Variants in CEP126 observed in about 807,000 individuals in gnomAD.
CEP126 encodes the protein centrosomal protein 126.
CEP126 carries 74 observed loss-of-function variants against 107.8 expected under a neutral mutation model. That is an observed-to-expected ratio of 0.69 (90% CI 0.57 to 0.83). The LOEUF (loss-of-function observed/expected upper bound fraction) is 0.83, where lower values mean the gene tolerates loss of function less well. Among genes scored for constraint, CEP126 ranks in the 40% least tolerant of loss-of-function variants. The pLI is 0.00. For synonymous variants in CEP126, 449 were observed against 446.0 expected, an observed-to-expected ratio of 1.01 and a Z score of -0.08; for missense variants, 1,237 against 1,281.9, an observed-to-expected ratio of 0.96 and a Z score of 0.53.
chr11:101,963,606 T>G lies in CEP126; in HGVS notation c.2571T>G (p.Ser857Arg), dbSNP rs1057330982. Reference sequence around the variant, plus strand: ...GTTTGAATCAGTGGAATCAGGAAAGTAGTTCTCCACTCTCAAATGCTTGTT... The same window carrying G: ...GTTTGAATCAGTGGAATCAGGAAAGGAGTTCTCCACTCTCAAATGCTTGTT... The part of the protein sequence containing the change: ...EHSLNQWNQE[S>R]SSPLSNACSD... Residue 857 changes from serine to arginine, a missense_variant, in exon 6 of 11, where the codon AGT (serine) becomes AGG (arginine). Around this residue, in one of 3 missense-constraint regions of CEP126, gnomAD observed 1,134 missense variants for 1,150.5 expected, o/e 0.99. Transcript: ENST00000263468. 2 of 1,614,154 alleles carry G rather than the reference T, an allele frequency of 1.2e-6. No individual in the cohort carries two copies. Among genetic ancestry groups the G allele is most frequent in the South Asian group, 2.2e-5 (2 of 91,080 alleles).
chr11:101,931,517 T>C (rs1268479776), intron 2 of CEP126, among the ~76,000 whole-genome samples: 1 of 152,230 alleles, frequency 6.6e-6, no homozygotes, highest in African/African-American at 2.4e-5. Context: ...TATTATTTGT[T>C]AAAAATGGTA....
In CEP126 at chr11:101,931,318, G is replaced by A. The variant is rs114295676; in HGVS notation, c.248+8558G>A. On this transcript the variant is annotated intron_variant, in intron 2 of 10. Transcript: ENST00000263468. ...GGTAATTTTCAACATTTCATTTGTC[G>A]TCTTTTCCAGTCAAGTGAAAGACAA... is the stretch of plus-strand genomic sequence containing the variant. 9.4e-3 allele frequency among the ~76,000 whole-genome samples: 1,435 copies of A among 152,068 alleles called. 27 individuals carry two copies. The highest frequency in any genetic ancestry group is 0.033 in the African/African-American group (1,351 of 41,484).
At chr11:101,972,670 G>A (rs191467454) in intron 6 of CEP126, among the ~76,000 whole-genome samples, 10 of 151,990 alleles carry the variant, frequency 6.6e-5, no homozygotes, top group East Asian at 1.9e-4. Context: ...GTGTGCTGGC[G>A]CGCACCTGTA....
chr11:101,959,188 C>CA (rs1197431411), intron 5 of CEP126, among the ~76,000 whole-genome samples: 1 of 151,116 alleles, frequency 6.6e-6, no homozygotes, highest in Non-Finnish European at 1.5e-5. Context: ...GATGGAGTCT[C>CA]ACTCTGTCAC....
chr11:101,972,282 C>T (rs1289713911), intron 6 of CEP126, among the ~76,000 whole-genome samples: 1 of 148,112 alleles, frequency 6.8e-6, no homozygotes, highest in South Asian at 2.1e-4. Context: ...AAAAATTAGC[C>T]GGGCGTGGTA....
At chr11:101,990,253 C>T (rs1941362748) in intron 9 of CEP126, among the ~76,000 whole-genome samples, 1 of 152,152 alleles carries the variant, frequency 6.6e-6, no homozygotes, top group Non-Finnish European at 1.5e-5. Context: ...ACAAGAGAAA[C>T]CCTTCCTCAG....
Position 101,969,263 on chromosome 11 carries a change from T to G in CEP126, c.2845+5383T>G, listed in dbSNP as rs547630968. 2.0e-5 allele frequency among the ~76,000 whole-genome samples: 3 copies of G among 152,234 alleles called. No individual in the cohort carries two copies. In the South Asian group the frequency reaches 6.2e-4, roughly 32 times the overall value. On this transcript the variant is annotated intron_variant, in intron 6 of 10. Coordinates refer to ENST00000263468, the MANE Select transcript of CEP126 (RefSeq NM_020802.4). ...CTTGGCCTCCCGAGCTCAAGCGATC[T>G]GCCTGCCTCAGTCTCCCAAAGTGCT...
chr11:101,997,551 G>T, intron 10 of CEP126, 48 bp from the exon 11 acceptor site: 1 of 1,613,594 alleles, frequency 6.2e-7, no homozygotes, highest in Non-Finnish European at 8.5e-7. Context: ...TGTAGCTGCA[G>T]TGTTTTGGCA....
chr11:101,962,362 T>C lies in CEP126; in HGVS notation c.1327T>C (p.Leu443=), dbSNP rs949963118. The C allele has an allele frequency of 1.2e-6, 2 of 1,613,790 alleles. No individual in the cohort carries two copies. Among genetic ancestry groups the C allele is most frequent in the South Asian group, 1.1e-5 (1 of 91,038 alleles). Residue 443 remains leucine (L), a synonymous_variant, in exon 6 of 11, where the codon TTA becomes CTA. Transcript: ENST00000263468. ...TFPDQEKYSE[L]NQENGTTSIP... is the part of the protein sequence containing the mutation. ...TCCAGACCAAGAGAAATATTCTGAATTAAATCAAGAAAATGGAACTACTTC... is the reference window on the plus strand; with the variant it reads ...TCCAGACCAAGAGAAATATTCTGAACTAAATCAAGAAAATGGAACTACTTC...
chr11:101,935,125 C>T (rs949033858), intron 2 of CEP126, among the ~76,000 whole-genome samples: 1 of 151,756 alleles, frequency 6.6e-6, no homozygotes, highest in African/African-American at 2.4e-5. Flanking sequence ...GCCTGATGTG[C>T]CATTCATAAG....
chr11:101,919,747 A>G (rs1407256478), intron 1 of CEP126, among the ~76,000 whole-genome samples: 1 of 152,172 alleles, frequency 6.6e-6, no homozygotes, highest in Non-Finnish European at 1.5e-5. Context: ...CAAACATTAC[A>G]TTTGTGATTT....
At chr11:101,942,182 T>G (rs568923493) in intron 2 of CEP126, among the ~76,000 whole-genome samples, 148 of 152,278 alleles carry the variant, frequency 9.7e-4, no homozygotes, top group African/African-American at 3.4e-3. Context: ...GCTTTTAGTG[T>G]CATATCAAGA....
chr11:101,963,960 T>G, intron 6 of CEP126, 80 bp downstream of exon 6: 1 of 859,478 alleles, frequency 1.2e-6, no homozygotes, highest in Non-Finnish European at 1.8e-6. Flanking sequence ...TATTTATGTA[T>G]GGCCATACAT....
intron 10 of CEP126, among the ~76,000 whole-genome samples, chr11:101,993,143 T>A (rs1344117515): frequency 6.6e-6 from 1 of 152,188 alleles, no homozygotes; most frequent in Non-Finnish European, 1.5e-5. Context: ...ATGGACAGAT[T>A]ATTTCATTGC....
At chr11:101,930,884 T>G (rs1014249743) in intron 2 of CEP126, among the ~76,000 whole-genome samples, 1 of 152,182 alleles carries the variant, frequency 6.6e-6, no homozygotes, top group Non-Finnish European at 1.5e-5. Context: ...CTCACAGATA[T>G]GGAGGGCAAA....
At position 101,948,103 on chromosome 11, in the gene CEP126, T is replaced by C; in HGVS notation, c.467T>C (p.Val156Ala). The change falls in exon 4 of 11, where the codon GTA becomes GCA. Residue 156 changes from valine to alanine, a missense_variant. Coordinates refer to ENST00000263468, the MANE Select transcript of CEP126 (RefSeq NM_020802.4). Reference sequence around the variant, plus strand: ...CAGGAATCCAACTTAAAATCAGAAGTAAACCTTCCCTTTTCCCGTAGACCA... The same window carrying C: ...CAGGAATCCAACTTAAAATCAGAAGCAAACCTTCCCTTTTCCCGTAGACCA... ...QIQESNLKSE[V>A]NLPFSRRPTI... is the part of the protein sequence containing the mutation. 1 of 1,611,376 alleles carries C rather than the reference T, an allele frequency of 6.2e-7. No individual in the cohort carries two copies. Among genetic ancestry groups the C allele is most frequent in the Non-Finnish European group, 8.5e-7 (1 of 1,178,040 alleles).
intron 2 of CEP126, among the ~76,000 whole-genome samples, chr11:101,926,911 A>C (rs1940420323): frequency 1.3e-5 from 2 of 152,202 alleles, no homozygotes; most frequent in South Asian, 4.1e-4. Context: ...TTGAGCTATT[A>C]AGCTTTATTT....
chr11:101,971,344 A>G (rs754603449), intron 6 of CEP126, among the ~76,000 whole-genome samples: 2 of 152,298 alleles, frequency 1.3e-5, no homozygotes, highest in Non-Finnish European at 2.9e-5. Flanking sequence ...AAAATAGTAC[A>G]TTGATCTATA....
intron 1 of CEP126, among the ~76,000 whole-genome samples, chr11:101,918,104 T>C (rs1940257956): frequency 6.6e-6 from 1 of 152,138 alleles, no homozygotes; most frequent in Non-Finnish European, 1.5e-5. Flanking sequence ...CCTGTCTTTT[T>C]TTCCCCCCAG....
Sources: gnomAD v4.1 joint callset for allele counts (sites outside exome capture counted in the v4.1 genomes callset) on GRCh38, gnomAD v4.1.1 for gene constraint, gnomAD v4.1.1 regional missense constraint, MANE v1.5 for transcripts, NCBI Gene and HGNC (gene_info 2026-07-23, HGNC 2026-07-21) for gene names.